CUBN: variants seen among roughly 807,000 people sequenced by gnomAD.
CUBN encodes 460 kDa receptor.
A neutral mutation model predicts 405.3 loss-of-function variants in CUBN; 282 were observed. The observed-to-expected ratio is 0.70, with a 90% CI of 0.63 to 0.77. The LOEUF is 0.77. Ranked by LOEUF, CUBN falls within the 30% of genes least tolerant of loss-of-function variation. The probability of loss-of-function intolerance (pLI) is 0.00; values close to 1 mark genes in which losing one functional copy is unlikely to be tolerated. For missense variants in CUBN, 4,514 were observed against 4,475.2 expected, an observed-to-expected ratio of 1.01 and a Z score of -0.25; for synonymous variants, 1,684 against 1,617.0, an observed-to-expected ratio of 1.04 and a Z score of -0.99.
chr10:17,086,107 A>G (rs2131866108), intron 15 of CUBN, among the ~76,000 whole-genome samples: 1 of 152,094 alleles, frequency 6.6e-6, no homozygotes, highest in African/African-American at 2.4e-5. Flanking sequence ...CTGGGACTAC[A>G]GGCACCTGCC....
chr10:16,957,244 G>A (rs1297621422), intron 31 of CUBN, among the ~76,000 whole-genome samples: 5 of 152,076 alleles, frequency 3.3e-5, no homozygotes, highest in African/African-American at 4.8e-5. Context: ...GTACTTGTGC[G>A]AGATCAGCAT....
chr10:16,876,211 G>A (rs1840495378), intron 57 of CUBN, among the ~76,000 whole-genome samples: 1 of 152,210 alleles, frequency 6.6e-6, no homozygotes, highest in Admixed American at 6.5e-5. Flanking sequence ...GTGCCAGTTT[G>A]ACTGCAGCTG....
intron 31 of CUBN, among the ~76,000 whole-genome samples, chr10:16,975,695 A>G (rs946483489): frequency 1.4e-5 from 2 of 146,562 alleles, no homozygotes; most frequent in Non-Finnish European, 3.0e-5. Flanking sequence ...CAGTGGTGCA[A>G]TCTTGGCTCA....
chr10:16,910,156 CCTT>C (rs1338142056), intron 48 of CUBN, among the ~76,000 whole-genome samples: 2 of 151,474 alleles, frequency 1.3e-5, no homozygotes, highest in Middle Eastern at 3.4e-3. Flanking sequence ...CTCTCCTTCT[CCTT>C]CTTATTGTTC....
At chr10:17,095,794 T>C (rs78661130) in intron 14 of CUBN, among the ~76,000 whole-genome samples, 1 of 152,142 alleles carries the variant, frequency 6.6e-6, no homozygotes, top group Admixed American at 6.6e-5. Context: ...TGCACTTTCA[T>C]GTTCATTGCA....
intron 64 of CUBN, among the ~76,000 whole-genome samples, chr10:16,834,162 G>T (rs564938228): frequency 6.6e-6 from 1 of 152,090 alleles, no homozygotes; most frequent in Non-Finnish European, 1.5e-5. Flanking sequence ...AAACACAGGG[G>T]CTGAGTTCCA....
intron 31 of CUBN, among the ~76,000 whole-genome samples, chr10:16,959,471 A>C (rs1212746532): frequency 6.6e-5 from 10 of 152,222 alleles, no homozygotes; most frequent in Admixed American, 5.9e-4. Flanking sequence ...TCTACTAAAA[A>C]TACAAAATTA....
At chr10:17,066,764 A>G (rs1835620602) in intron 21 of CUBN, among the ~76,000 whole-genome samples, 1 of 152,166 alleles carries the variant, frequency 6.6e-6, no homozygotes, top group African/African-American at 2.4e-5. Context: ...TTAAAACATG[A>G]ATGAGAAATA....
intron 29 of CUBN, among the ~76,000 whole-genome samples, chr10:16,988,860 T>C (rs1833502177): frequency 6.6e-6 from 1 of 152,290 alleles, no homozygotes; most frequent in East Asian, 1.9e-4. Flanking sequence ...ATTAATCTTT[T>C]TGAGCGTTAG....
chr10:16,867,307 T>C (rs1343473277), intron 59 of CUBN, among the ~76,000 whole-genome samples: 1 of 152,200 alleles, frequency 6.6e-6, no homozygotes, highest in Non-Finnish European at 1.5e-5. Flanking sequence ...ATTAGCCAAG[T>C]TTGTCTTCAT....
chr10:17,091,890 C>G (rs1836266919), intron 14 of CUBN, among the ~76,000 whole-genome samples: 1 of 152,202 alleles, frequency 6.6e-6, no homozygotes, highest in South Asian at 2.1e-4. Context: ...ATTTCTTTCA[C>G]AAATAAATTT....
chr10:17,121,478 T>C (rs577839752), intron 6 of CUBN, among the ~76,000 whole-genome samples: 591 of 136,336 alleles, frequency 4.3e-3, no homozygotes, highest in Non-Finnish European at 5.1e-3. Flanking sequence ...TTCTCACTCA[T>C]AGGTGGGAAC....
chr10:16,942,505 A>G (rs1419338297), intron 36 of CUBN, among the ~76,000 whole-genome samples: 1 of 152,226 alleles, frequency 6.6e-6, no homozygotes. Context: ...GTCATTAGAG[A>G]AATGCAAATC....
chr10:17,018,098 A>G (rs909596437), intron 28 of CUBN, among the ~76,000 whole-genome samples: 2 of 152,084 alleles, frequency 1.3e-5, no homozygotes, highest in African/African-American at 4.8e-5. Context: ...AACTCCGAAG[A>G]GTTGGGGGTT....
intron 54 of CUBN, among the ~76,000 whole-genome samples, chr10:16,891,899 C>T (rs143719604): frequency 3.6e-4 from 54 of 152,062 alleles, no homozygotes; most frequent in African/African-American, 9.9e-4. Context: ...TCTGCAATAC[C>T]CAATATGCCC....
chr10:17,110,575 T>C (rs1836749086), intron 9 of CUBN, among the ~76,000 whole-genome samples: 1 of 152,178 alleles, frequency 6.6e-6, no homozygotes, highest in African/African-American at 2.4e-5. Context: ...TTGCCTAGGC[T>C]GGAGTGCAAT....
chr10:17,058,621 C>G (rs935432294), intron 22 of CUBN, among the ~76,000 whole-genome samples: 1 of 152,070 alleles, frequency 6.6e-6, no homozygotes, highest in Non-Finnish European at 1.5e-5. Context: ...TTACTATTCT[C>G]TGAACTTAAT....
chr10:16,988,724 C>T (rs1833497685), intron 29 of CUBN, among the ~76,000 whole-genome samples: 2 of 152,256 alleles, frequency 1.3e-5, no homozygotes, highest in South Asian at 2.1e-4. Context: ...AACGTCCATA[C>T]TATTCATATC....
intron 14 of CUBN, 141 bp downstream of exon 14, chr10:17,099,864 T>C (rs1836457762): frequency 3.2e-6 from 1 of 308,274 alleles, no homozygotes; most frequent in Non-Finnish European, 5.7e-6. Flanking sequence ...AATAAATAAA[T>C]GAATAAAATA....
Sources: gnomAD v4.1 joint callset for allele counts (sites outside exome capture counted in the v4.1 genomes callset) on GRCh38, gnomAD v4.1.1 for gene constraint, MANE v1.5 for transcripts, NCBI Gene and HGNC (gene_info 2026-07-23, HGNC 2026-07-21) for gene names.